Variants in DCUN1D4 observed in about 807,000 individuals in gnomAD.
DCUN1D4 encodes the protein defective in cullin neddylation 1 domain containing 4, also known as DCN1-like protein 4.
DCUN1D4 carries 22 observed loss-of-function variants against 47.9 expected under a neutral mutation model. That is an observed-to-expected ratio of 0.46 (90% confidence interval 0.33 to 0.66). The LOEUF is 0.66. Among genes scored for constraint, DCUN1D4 ranks in the 30% least tolerant of loss-of-function variants. The probability of loss-of-function intolerance (pLI) is 0.02; values close to 1 mark genes in which losing one functional copy is unlikely to be tolerated. For missense variants in DCUN1D4, 301 were observed against 340.8 expected, an observed-to-expected ratio of 0.88 and a Z score of 0.92; for synonymous variants, 121 against 112.2, an observed-to-expected ratio of 1.08 and a Z score of -0.50.
the DCUN1D4 span, among the ~76,000 whole-genome samples, chr4:51,837,137 G>A: frequency 6.6e-6 from 1 of 152,200 alleles, no homozygotes; most frequent in Non-Finnish European, 1.5e-5. Flanking sequence ...AGCATCATTA[G>A]GACTTGATTA....
chr4:51,869,002 C>T (rs1246173937), intron 3 of DCUN1D4, among the ~76,000 whole-genome samples: 2 of 151,806 alleles, frequency 1.3e-5, no homozygotes, highest in Admixed American at 6.6e-5. Context: ...CCTATAATCT[C>T]AGCTACTCGG....
At chr4:51,848,486 T>C (rs1232787951) in intron 1 of DCUN1D4, 1 of 748,624 alleles carries the variant, frequency 1.3e-6, no homozygotes, top group Non-Finnish European at 1.6e-6. Flanking sequence ...ACTGAAAGTC[T>C]TTCTTCAGAT....
At chr4:51,842,201 G>A (rs1008714314), upstream of DCUN1D4, among the ~76,000 whole-genome samples, 1 of 152,110 alleles carries the variant, frequency 6.6e-6, no homozygotes, top group African/African-American at 2.4e-5. Flanking sequence ...GCCTCTCCGC[G>A]GGAGTGACAG....
chr4:51,891,912 C>G (rs1051160955), intron 7 of DCUN1D4, 61 bp downstream of exon 7: 3 of 1,288,528 alleles, frequency 2.3e-6, no homozygotes, highest in Non-Finnish European at 2.2e-6. Context: ...CCTCCTTCCT[C>G]CCTAGGACTT....
chr4:51,844,987 G>GGAGA (rs1274280712), intron 1 of DCUN1D4: 1 of 985,302 alleles, frequency 1.0e-6, no homozygotes, highest in African/African-American at 1.7e-5. Flanking sequence ...CTTGGGAGAG[G>GGAGA]GAGAGCCCAC....
At chr4:51,874,206 C>A in intron 3 of DCUN1D4, 65 bp from the exon 4 acceptor site, 1 of 1,060,646 alleles carries the variant, frequency 9.4e-7, no homozygotes. Flanking sequence ...CAGTACTGTT[C>A]TTTGGAAGTA....
chr4:51,896,905 C>A (rs1001327678), intron 7 of DCUN1D4, among the ~76,000 whole-genome samples: 1 of 152,176 alleles, frequency 6.6e-6, no homozygotes, highest in Non-Finnish European at 1.5e-5. Flanking sequence ...ACTACAAAAG[C>A]CTTTTATGAG....
rs552075150 is a variant in DCUN1D4, at chr4:51,901,242, G to A, written c.615+1864G>A. Among the ~76,000 whole-genome samples, 476 of 152,144 alleles carry A rather than the reference G, an allele frequency of 3.1e-3. 4 individuals are homozygous for A. Among genetic ancestry groups the A allele is most frequent in the African/African-American group, 0.011 (447 of 41,508 alleles). On this transcript the variant is annotated intron_variant, in intron 8 of 10. Coordinates refer to ENST00000334635, the MANE Select transcript of DCUN1D4 (RefSeq NM_001040402.3). Reference sequence around the variant, plus strand: ...CGACCCAGCACTTCCCTGTGTATACGACACAGTTGTTCCCATGTCAGCTCT... The same window carrying A: ...CGACCCAGCACTTCCCTGTGTATACAACACAGTTGTTCCCATGTCAGCTCT...
intron 8 of DCUN1D4, among the ~76,000 whole-genome samples, chr4:51,900,064 GT>G (rs1731864831): frequency 1.3e-5 from 2 of 152,126 alleles, no homozygotes; most frequent in African/African-American, 4.8e-5. Context: ...CTGAAATGAT[GT>G]TTTCTGTTAG....
chr4:51,892,476 A>G lies in DCUN1D4; in HGVS notation c.506+625A>G, dbSNP rs1578000757. Among the ~76,000 whole-genome samples, 8 of 152,354 alleles carry G rather than the reference A, an allele frequency of 5.3e-5. No homozygotes were observed. In the South Asian group the frequency reaches 1.7e-3, roughly 32 times the overall value. ...GCATCTGGTTTATACTTAGTGAGAA[A>G]AAGTTGAGTAATGTATAACTTGTAA... On this transcript the variant is annotated intron_variant, in intron 7 of 10. Transcript: ENST00000334635.
At chr4:51,881,262 A>C (rs1311467333) in intron 5 of DCUN1D4, among the ~76,000 whole-genome samples, 1 of 152,262 alleles carries the variant, frequency 6.6e-6, no homozygotes, top group Non-Finnish European at 1.5e-5. Context: ...ACTAAAGCTC[A>C]CATACATAGG....
At chr4:51,861,626 C>T (rs140352620) in intron 1 of DCUN1D4, among the ~76,000 whole-genome samples, 161 of 152,196 alleles carry the variant, frequency 1.1e-3, no homozygotes, top group African/African-American at 3.7e-3. Context: ...GCCCCTTTTT[C>T]TCTCCCCTCC....
At chr4:51,851,470 G>C (rs895420101) in intron 1 of DCUN1D4, among the ~76,000 whole-genome samples, 1 of 152,158 alleles carries the variant, frequency 6.6e-6, no homozygotes, top group Admixed American at 6.5e-5. Context: ...AACATGGCAT[G>C]GTGGGGACAG....
In DCUN1D4 at chr4:51,846,071, A is replaced by C. The variant is rs1722500273; in HGVS notation, c.25+2804A>C. Among the ~76,000 whole-genome samples, 3 of 152,214 alleles carry C rather than the reference A, an allele frequency of 2.0e-5. No homozygotes were observed. The South Asian group carries it at 6.2e-4, about 32-fold the overall frequency. On this transcript the variant is annotated intron_variant, in intron 1 of 10. Coordinates refer to ENST00000334635, the MANE Select transcript of DCUN1D4 (RefSeq NM_001040402.3). ...AATGGTGTTTTTAAAGAAAATATGA[A>C]GCTAGTCATAGCTTTCTCTTTTTCT...
rs573203705 is a variant in DCUN1D4, at chr4:51,914,857, A to G, written c.*1273A>G. ...TTTTTTTTTTTGCCATTCTTGAGGA[A>G]ATATAGAGATGACATGTTTTCACCC... is the stretch of plus-strand genomic sequence containing the variant. On this transcript the variant is annotated 3_prime_UTR_variant, in exon 11 of 11. Coordinates refer to ENST00000334635, the MANE Select transcript of DCUN1D4 (RefSeq NM_001040402.3). The G allele has an allele frequency of 3.2e-4, 48 of 148,472 alleles. No individual in the cohort carries two copies. Among genetic ancestry groups the G allele is most frequent in the African/African-American group, 1.2e-3 (48 of 40,506 alleles). 9.2% of individuals were successfully genotyped at this position (148,472 alleles called of 1,614,324 possible). A position where few individuals can be genotyped will look rare whatever the true frequency, so the allele number is the denominator to read the frequency against.
chr4:51,855,177 T>C lies in DCUN1D4; in HGVS notation c.26-8260T>C, dbSNP rs575976287. 1.7e-4 allele frequency among the ~76,000 whole-genome samples: 26 copies of C among 152,240 alleles called. 1 individual carries two copies. Among genetic ancestry groups the C allele is most frequent in the South Asian group, 4.1e-4 (2 of 4,826 alleles). ...CTCCTGTTGTGTGACTCTGCTGATA[T>C]AAAATGTCTAGAATAGGCAAATCTA... On this transcript the variant is annotated intron_variant, in intron 1 of 10. Coordinates refer to ENST00000334635, the MANE Select transcript of DCUN1D4 (RefSeq NM_001040402.3).
rs1727829394 is a variant in DCUN1D4 at position 51,877,061 on chromosome 4, C to G, written c.252-702C>G. 3.3e-5 allele frequency among the ~76,000 whole-genome samples: 5 copies of G among 152,114 alleles called. No individual in the cohort carries two copies. In the South Asian group the frequency reaches 1.0e-3, roughly 32 times the overall value. ...AGTATGTCATTTTTGTGGAAGGTCACAGTTGCAACAGGAGGCTGCTGTGCT... is the reference window on the plus strand; with the variant it reads ...AGTATGTCATTTTTGTGGAAGGTCAGAGTTGCAACAGGAGGCTGCTGTGCT... On this transcript the variant is annotated intron_variant, in intron 4 of 10. Coordinates refer to ENST00000334635, the MANE Select transcript of DCUN1D4 (RefSeq NM_001040402.3).
Position 51,911,162 on chromosome 4 carries a change from C to G in DCUN1D4, c.708C>G (p.His236Gln). 6.2e-7 allele frequency: 1 copy of G among 1,611,054 alleles called. No homozygotes were observed. The highest frequency in any genetic ancestry group is 8.5e-7 in the Non-Finnish European group (1 of 1,178,890). Residue 236 changes from histidine to glutamine, a missense_variant, in exon 9 of 11, where the codon CAC becomes CAG. His to Gln is a conservative substitution (Grantham distance 24, BLOSUM62 0). Around this residue, in one of 2 missense-constraint regions of DCUN1D4, gnomAD observed 170 missense variants for 234.5 expected, o/e 0.73. Coordinates refer to ENST00000334635, the MANE Select transcript of DCUN1D4 (RefSeq NM_001040402.3). ...GKIWPLFPVFHQFLEQSKYKV... is the reference protein window; with the variant it reads ...GKIWPLFPVFQQFLEQSKYKV... ...TCTGGCCCCTTTTTCCAGTTTTTCA[C>G]CAATTCTTAGAGGTACCAAATTGTT...
At chr4:51,885,836 C>G (rs1729403635) in intron 5 of DCUN1D4, among the ~76,000 whole-genome samples, 1 of 152,022 alleles carries the variant, frequency 6.6e-6, no homozygotes, top group Non-Finnish European at 1.5e-5. Flanking sequence ...TTCAAGAAGC[C>G]ATGGGAAGAG....
Sources: gnomAD v4.1 joint callset for allele counts (sites outside exome capture counted in the v4.1 genomes callset) on GRCh38, gnomAD v4.1.1 for gene constraint, gnomAD v4.1.1 regional missense constraint, MANE v1.5 for transcripts, NCBI Gene and HGNC (gene_info 2026-07-23, HGNC 2026-07-21) for gene names.